Variants in SIGLECL1 observed in about 807,000 individuals in gnomAD.
SIGLECL1 encodes the protein SIGLEC family-like protein 1.
Under a neutral mutation model 19.1 loss-of-function variants are expected in SIGLECL1, and 16 were observed. That is an observed-to-expected ratio of 0.84 (90% CI 0.57 to 1.27). The LOEUF is 1.27. Among genes scored for constraint, SIGLECL1 ranks in the 50% most tolerant of loss-of-function variants. The pLI, the probability that SIGLECL1 is intolerant of heterozygous loss-of-function variation, is 0.00. For synonymous variants in SIGLECL1, 89 were observed against 90.4 expected, an observed-to-expected ratio of 0.98 and a Z score of 0.09; for missense variants, 210 against 239.4, an observed-to-expected ratio of 0.88 and a Z score of 0.81.
intron 1 of SIGLECL1, among the ~76,000 whole-genome samples, chr19:51,252,865 C>T (rs1185911584): frequency 1.3e-5 from 2 of 152,178 alleles, no homozygotes; most frequent in East Asian, 3.9e-4. Flanking sequence ...TGGTTCACGG[C>T]TGCAATCCCA....
intron 2 of SIGLECL1, 23 bp from the exon 3 acceptor site, chr19:51,265,345 C>A: frequency 6.3e-7 from 1 of 1,587,222 alleles, no homozygotes; most frequent in Non-Finnish European, 8.6e-7. Flanking sequence ...GCCTTGCTGA[C>A]TCCTGACCCT....
chr19:51,255,934 G>A (rs562847130), intron 1 of SIGLECL1: 1 of 152,242 alleles, frequency 6.6e-6, no homozygotes, highest in Admixed American at 6.5e-5. Flanking sequence ...CCACTTCTAG[G>A]CATGTATTTG....
chr19:51,265,412 C>T lies in SIGLECL1; in HGVS notation c.67C>T (p.Leu23=), dbSNP rs750811347. Reference sequence around the variant, plus strand: ...CTCCTCTTGCTCCTTGGAGAAGACACTGCAGTGCAGCTGTTCCTTCCATGG... The same window carrying T: ...CTCCTCTTGCTCCTTGGAGAAGACATTGCAGTGCAGCTGTTCCTTCCATGG... ...LNSSCSLEKT[L]QCSCSFHGIP... The change falls in exon 3 of 6, where the codon CTG becomes TTG. Residue 23 remains leucine, a synonymous_variant. Coordinates refer to ENST00000601727, the MANE Select transcript of SIGLECL1 (RefSeq NM_001385465.1). 1 of 1,614,078 alleles carries T rather than the reference C, an allele frequency of 6.2e-7. No homozygotes were observed. The highest frequency in any genetic ancestry group is 1.1e-5 in the South Asian group (1 of 91,076).
chr19:51,256,448 A>T (rs1501448), intron 1 of SIGLECL1, among the ~76,000 whole-genome samples: 16,535 of 152,256 alleles, frequency 0.11, 1,532 homozygotes, highest in East Asian at 0.32. Context: ...GATCTCACTT[A>T]TATGTAGAAT....
chr19:51,252,024 G>A (rs542101086), intron 1 of SIGLECL1, among the ~76,000 whole-genome samples: 206 of 152,258 alleles, frequency 1.4e-3, no homozygotes, highest in African/African-American at 4.7e-3. Context: ...TAGGCTGGGC[G>A]CAGTGGCTCA....
chr19:51,257,416 A>T (rs1231212242), intron 1 of SIGLECL1, among the ~76,000 whole-genome samples: 1 of 151,886 alleles, frequency 6.6e-6, no homozygotes, highest in Non-Finnish European at 1.5e-5. Context: ...TCTCAAAAAA[A>T]AAAAAAAGAA....
upstream of SIGLECL1, among the ~76,000 whole-genome samples, chr19:51,246,547 C>G (rs1447269578): frequency 6.6e-6 from 1 of 151,992 alleles, no homozygotes; most frequent in East Asian, 1.9e-4. Context: ...AGGCAGGCCT[C>G]CATAACAACT....
chr19:51,265,853 G>T lies in SIGLECL1; in HGVS notation c.381G>T (p.Ala127=), dbSNP rs143870443. 2.5e-5 allele frequency: 41 copies of T among 1,614,132 alleles called. No individual in the cohort carries two copies. In the African/African-American group the frequency reaches 5.1e-4, roughly 20 times the overall value. Residue 127 remains alanine (A), a synonymous_variant, in exon 4 of 6, where the codon GCG becomes GCT. Transcript: ENST00000601727. The part of the protein sequence containing the change: ...QGAIYAGIVI[A]LLFLCLLPLI... ...CTATCTATGCGGGAATTGTAATTGC[G>T]CTGCTCTTCCTCTGCCTCCTCCCTC... is the stretch of plus-strand genomic sequence containing the variant.
chr19:51,265,691 G>A lies in SIGLECL1; in HGVS notation c.304+42G>A, dbSNP rs200624136. ...CTCGGTGACTGGGTGAGGACAATAA[G>A]CGGGATGGGGACAGTCACTGGGGCT... is the stretch of plus-strand genomic sequence containing the variant. On this transcript the variant is annotated intron_variant, in intron 3 of 5. Coordinates refer to ENST00000601727, the MANE Select transcript of SIGLECL1 (RefSeq NM_001385465.1). The A allele has an allele frequency of 2.5e-6, 4 of 1,611,840 alleles. No homozygotes were observed. The East Asian group carries it at 8.9e-5, about 36-fold the overall frequency.
At chr19:51,261,402 C>A (rs943483783) in intron 1 of SIGLECL1, among the ~76,000 whole-genome samples, 16 of 152,162 alleles carry the variant, frequency 1.1e-4, no homozygotes, top group Admixed American at 7.9e-4. Context: ...CATTCTCCTG[C>A]CTCGGCCTCC....
chr19:51,269,013 T>C lies in SIGLECL1; in HGVS notation c.*416T>C, dbSNP rs571049103. 1.2e-5 allele frequency: 2 copies of C among 170,844 alleles called. No homozygotes were observed. Among genetic ancestry groups the C allele is most frequent in the Admixed American group, 5.6e-5 (1 of 17,988 alleles). 10.6% of individuals were successfully genotyped at this position (170,844 alleles called of 1,614,324 possible). A position where few individuals can be genotyped will look rare whatever the true frequency, so the allele number is the denominator to read the frequency against. The stretch of plus-strand genomic sequence containing the variant: ...AGGCTTTCAAGCCTTCATATCTGGA[T>C]AGAATCCCAACTTCAGTGCTTGGTG... On this transcript the variant is annotated 3_prime_UTR_variant, in exon 6 of 6. Transcript: ENST00000601727.
intron 1 of SIGLECL1, among the ~76,000 whole-genome samples, chr19:51,260,889 TC>T (rs1467201065): frequency 6.6e-6 from 1 of 152,244 alleles, no homozygotes; most frequent in Non-Finnish European, 1.5e-5. Context: ...GAAATTGTAT[TC>T]TGCAGTTATT....
At chr19:51,257,185 C>G (rs879363832) in intron 1 of SIGLECL1, among the ~76,000 whole-genome samples, 1 of 151,974 alleles carries the variant, frequency 6.6e-6, no homozygotes, top group African/African-American at 2.4e-5. Context: ...GGTGGGAGGA[C>G]GGCTTGAGCC....
upstream of SIGLECL1, among the ~76,000 whole-genome samples, chr19:51,247,964 A>G (rs557803389): frequency 9.9e-5 from 15 of 152,198 alleles, no homozygotes; most frequent in Non-Finnish European, 1.8e-4. Context: ...CTGCATGCCT[A>G]CTACATGCTA....
Position 51,265,491 on chromosome 19 carries a change from A to G in SIGLECL1, c.146A>G (p.Asp49Gly). ...ATGGGAGGAGTCCCCGTGGGTGTGGATGGCATGGATGGCAGCCTCCAAGTG... is the reference window on the plus strand; with the variant it reads ...ATGGGAGGAGTCCCCGTGGGTGTGGGTGGCATGGATGGCAGCCTCCAAGTG... ...WWMGGVPVGV[D>G]GMDGSLQVTS... Residue 49 changes from aspartate (D) to glycine (G), a missense_variant, in exon 3 of 6, where the codon GAT becomes GGT. By Grantham distance (94) the Asp-to-Gly change is moderately conservative (BLOSUM62 -1). Transcript: ENST00000601727. 2 of 1,614,104 alleles carry G rather than the reference A, an allele frequency of 1.2e-6. No individual in the cohort carries two copies. The highest frequency in any genetic ancestry group is 2.2e-5 in the South Asian group (2 of 91,084).
chr19:51,268,754 T>A lies in SIGLECL1; in HGVS notation c.*157T>A. 1.5e-6 allele frequency: 1 copy of A among 651,234 alleles called. No homozygotes were observed. Among genetic ancestry groups the A allele is most frequent in the Non-Finnish European group, 2.7e-6 (1 of 375,010 alleles). The allele number at this position is 651,234 out of a possible 1,614,324, so 40.3% of individuals were successfully genotyped here. A position where few individuals can be genotyped will look rare whatever the true frequency, so the allele number is the denominator to read the frequency against. On this transcript the variant is annotated 3_prime_UTR_variant, in exon 6 of 6. Transcript: ENST00000601727. ...ACAAAACCCTCTCAATTCCTACACA[T>A]CCCTTAACACTCATTCTCCATTGAA...
intron 1 of SIGLECL1, among the ~76,000 whole-genome samples, chr19:51,259,202 A>AC (rs1331536052): frequency 7.4e-3 from 1 of 136 alleles, no homozygotes; most frequent in African/African-American, 0.023. Context: ...ACATAGGATT[A>AC]CAAAGTGGAT....
chr19:51,252,236 G>A (rs1369698935), intron 1 of SIGLECL1, among the ~76,000 whole-genome samples: 1 of 151,732 alleles, frequency 6.6e-6, no homozygotes, highest in Non-Finnish European at 1.5e-5. Context: ...GGCAGAGGTT[G>A]CAGTGAGCCA....
upstream of SIGLECL1, among the ~76,000 whole-genome samples, chr19:51,250,222 G>C (rs1367628654): frequency 6.6e-6 from 1 of 152,074 alleles, no homozygotes; most frequent in Non-Finnish European, 1.5e-5. Flanking sequence ...AAGTAGCTGG[G>C]GTTACAGGTG....
Sources: allele counts gnomAD v4.1 joint callset (sites outside exome capture counted in the v4.1 genomes callset), GRCh38; gene constraint gnomAD v4.1.1; transcripts MANE v1.5; gene names NCBI Gene and HGNC (gene_info 2026-07-23, HGNC 2026-07-21).